TRPM7: variants seen among roughly 807,000 people sequenced by gnomAD.
The protein encoded by TRPM7 is LTRPC ion channel family member 7.
TRPM7 carries 134 observed loss-of-function variants against 229.7 expected under a neutral mutation model. That is an observed-to-expected ratio of 0.58 (90% CI 0.51 to 0.67). The LOEUF (loss-of-function observed/expected upper bound fraction) is 0.67, where lower values mean the gene tolerates loss of function less well. Ranked by LOEUF, TRPM7 falls within the 30% of genes least tolerant of loss-of-function variation. The pLI is 0.00. For synonymous variants in TRPM7, 699 were observed against 715.2 expected (o/e 0.98, Z 0.36); for missense variants, 1,901 against 2,210.0 (o/e 0.86, Z 2.80).
chr15:50,582,618 A>G (rs947326334), intron 29 of TRPM7: 1 of 152,442 alleles, frequency 6.6e-6, no homozygotes, highest in African/African-American at 2.4e-5. Context: ...ACTTTTTTCA[A>G]TAACATGATT....
At chr15:50,639,027 T>C (rs75952753) in intron 6 of TRPM7, among the ~76,000 whole-genome samples, 2,845 of 152,324 alleles carry the variant, frequency 0.019, 90 homozygotes, top group African/African-American at 0.066. Flanking sequence ...CCAATTCACA[T>C]GTCTTTAACC....
chr15:50,604,753 A>C (rs1273408848), intron 21 of TRPM7, 113 bp downstream of exon 21: 28 of 1,103,878 alleles, frequency 2.5e-5, no homozygotes, highest in Non-Finnish European at 3.6e-5. Context: ...GAGGCAAACA[A>C]ACACAAAATA....
chr15:50,584,622 T>G (rs529504841), intron 28 of TRPM7, among the ~76,000 whole-genome samples: 17 of 151,614 alleles, frequency 1.1e-4, no homozygotes, highest in Admixed American at 9.2e-4. Flanking sequence ...TTCTGTTTTT[T>G]TTTTTTTTTT....
At position 50,667,797 on chromosome 15, in the gene TRPM7, T is replaced by C. The variant is rs186950234; in HGVS notation, c.4-4751A>G. ...TTTATTAAGAACTGGGTTTCACATA[T>C]CAATAATGCACTAGTCCAACAGTGA... On this transcript the variant is annotated intron_variant, in intron 1 of 38. Coordinates refer to ENST00000646667, the MANE Select transcript of TRPM7 (RefSeq NM_017672.6). Among the ~76,000 whole-genome samples the C allele has an allele frequency of 4.6e-5, 7 of 152,300 alleles. No individual in the cohort carries two copies. The East Asian group carries it at 1.2e-3, about 25-fold the overall frequency.
At chr15:50,685,042 G>A (rs1313424788) in intron 1 of TRPM7, among the ~76,000 whole-genome samples, 36 of 152,202 alleles carry the variant, frequency 2.4e-4, no homozygotes, top group Admixed American at 5.2e-4. Context: ...ACATTTGTCT[G>A]GGATTTGCTT....
intron 29 of TRPM7, among the ~76,000 whole-genome samples, chr15:50,581,150 C>T (rs1376782887): frequency 1.3e-5 from 2 of 152,122 alleles, no homozygotes; most frequent in African/African-American, 4.8e-5. Context: ...ACAACATTGT[C>T]TTTCTATTCT....
In TRPM7 at chr15:50,672,154, C is replaced by T. The variant is rs1399761278; in HGVS notation, c.4-9108G>A. On this transcript the variant is annotated intron_variant, in intron 1 of 38. Transcript: ENST00000646667. The stretch of plus-strand genomic sequence containing the variant: ...ACTGCAAGCTCATCTCCCGGGTTCA[C>T]GCCATTCTCCTGCCTCAGCCTCCTG... Among the ~76,000 whole-genome samples, 3 of 152,140 alleles carry T rather than the reference C, an allele frequency of 2.0e-5. No individual in the cohort carries two copies. The East Asian group carries it at 5.8e-4, about 29-fold the overall frequency.
intron 22 of TRPM7, 109 bp from the exon 23 acceptor site, chr15:50,596,490 G>C: frequency 4.4e-6 from 4 of 906,176 alleles, no homozygotes; most frequent in Non-Finnish European, 6.1e-6. Flanking sequence ...AGTAAGTTTC[G>C]ATTATGTACA....
At chr15:50,632,276 G>C (rs987080564) in intron 9 of TRPM7, among the ~76,000 whole-genome samples, 2 of 150,056 alleles carry the variant, frequency 1.3e-5, no homozygotes, top group Admixed American at 1.4e-4. Context: ...TTGAGCAATG[G>C]AGCGAGACTC....
At chr15:50,589,892 C>G (rs1305868098) in intron 26 of TRPM7, among the ~76,000 whole-genome samples, 2 of 151,904 alleles carry the variant, frequency 1.3e-5, no homozygotes, top group Admixed American at 1.3e-4. Context: ...AAGTCTCGTT[C>G]TGTTGCCCAG....
intron 18 of TRPM7, 39 bp from the exon 19 acceptor site, chr15:50,609,763 T>G: frequency 6.3e-7 from 1 of 1,591,544 alleles, no homozygotes; most frequent in East Asian, 2.2e-5. Context: ...GTACAATTAT[T>G]CAGAACAAAC....
At chr15:50,609,500 ACATTAG>A (rs2060006680) in intron 19 of TRPM7, 75 bp downstream of exon 19, 1 of 1,332,256 alleles carries the variant, frequency 7.5e-7, no homozygotes, top group Admixed American at 2.6e-5. Context: ...AGTTATATCA[ACATTAG>A]TATGGATTCC....
intron 36 of TRPM7, among the ~76,000 whole-genome samples, chr15:50,571,171 C>T (rs990306070): frequency 6.6e-6 from 1 of 151,998 alleles, no homozygotes; most frequent in Non-Finnish European, 1.5e-5. Flanking sequence ...AAGGAAAAAC[C>T]AGAATTAAAA....
chr15:50,611,229 T>C lies in TRPM7; in HGVS notation c.2144A>G (p.Asn715Ser). The C allele has an allele frequency of 5.0e-6, 8 of 1,614,012 alleles. No individual in the cohort carries two copies. Among genetic ancestry groups the C allele is most frequent in the Non-Finnish European group, 6.8e-6 (8 of 1,179,950 alleles). Residue 715 changes from asparagine (N) to serine (S), a missense_variant, in exon 17 of 39, where the codon AAC becomes AGC. By Grantham distance (46) the Asn-to-Ser change is conservative. Coordinates refer to ENST00000646667, the MANE Select transcript of TRPM7 (RefSeq NM_017672.6). ...AMKLLTYELKNWSNSTCLKLA... is the reference protein window; with the variant it reads ...AMKLLTYELKSWSNSTCLKLA... ...CTTAAGGCAGGTTGAATTACTCCAG[T>C]TCTTCAGTTCATAAGTGAGCAATTT...
Position 50,654,837 on chromosome 15 carries a change from A to G in TRPM7, c.122+2944T>C, listed in dbSNP as rs1192677246. On this transcript the variant is annotated intron_variant, in intron 3 of 38. Transcript: ENST00000646667. ...AAGGTGAAACCCCATCTCTACTAAA[A>G]AAAACCACAAAAAACTACCCGGGTG... Among the ~76,000 whole-genome samples, 2 of 148,802 alleles carry G rather than the reference A, an allele frequency of 1.3e-5. 1 individual carries two copies. Among genetic ancestry groups the G allele is most frequent in the Non-Finnish European group, 3.0e-5 (2 of 66,622 alleles).
In TRPM7 at chr15:50,642,699, T is replaced by C. The variant is rs570471570; in HGVS notation, c.535+641A>G. On this transcript the variant is annotated intron_variant, in intron 5 of 38. Transcript: ENST00000646667. ...CTGAACTGTGGGTCAATTAAACCTC[T>C]TTCCTTTATAAATTACCAAGTCTCG... is the stretch of plus-strand genomic sequence containing the variant. Among the ~76,000 whole-genome samples the C allele has an allele frequency of 2.0e-5, 3 of 152,312 alleles. 1 individual carries two copies. The highest frequency in any genetic ancestry group is 4.1e-4 in the South Asian group (2 of 4,824).
At position 50,574,720 on chromosome 15, in the gene TRPM7, C is replaced by G; in HGVS notation, c.5020-1G>C. On this transcript the variant is annotated splice_acceptor_variant, in intron 34 of 38. Transcript: ENST00000646667. LOFTEE classifies it high-confidence loss of function. ...GTGCTGCTCTCTGTTGTTGAATTTC[C>G]TATAAAAGGGAGGGTGGGGAGAACC... The G allele has an allele frequency of 1.2e-6, 2 of 1,612,598 alleles. No individual in the cohort carries two copies. Among genetic ancestry groups the G allele is most frequent in the Non-Finnish European group, 1.7e-6 (2 of 1,179,588 alleles).
chr15:50,639,383 A>G lies in TRPM7; in HGVS notation c.660+41T>C, dbSNP rs778126440. ...CTATTCTTACTATAATTTTGTTTAC[A>G]TATAATTTCAAACATAAGAAATTTT... On this transcript the variant is annotated intron_variant, in intron 6 of 38. Coordinates refer to ENST00000646667, the MANE Select transcript of TRPM7 (RefSeq NM_017672.6). 4 of 1,492,072 alleles carry G rather than the reference A, an allele frequency of 2.7e-6. No individual in the cohort carries two copies. In the East Asian group the frequency reaches 9.6e-5, roughly 36 times the overall value. The allele number at this position is 1,492,072 out of a possible 1,614,324, so 92.4% of individuals were successfully genotyped here.
chr15:50,582,864 C>G (rs958591827), intron 29 of TRPM7, among the ~76,000 whole-genome samples: 1 of 152,060 alleles, frequency 6.6e-6, no homozygotes, highest in Non-Finnish European at 1.5e-5. Flanking sequence ...TCAATTCAAA[C>G]AAAAAGAGAT....
Sources: allele counts gnomAD v4.1 joint callset (sites outside exome capture counted in the v4.1 genomes callset), GRCh38; gene constraint gnomAD v4.1.1; transcripts MANE v1.5; gene names NCBI Gene and HGNC (gene_info 2026-07-23, HGNC 2026-07-21).